Variants in GLIS3 observed in about 807,000 individuals in gnomAD.
GLIS3 encodes GLIS family zinc finger 3.
Under a neutral mutation model 78.6 loss-of-function variants are expected in GLIS3, and 53 were observed. That is an observed-to-expected ratio of 0.67 (90% CI 0.54 to 0.85). The LOEUF is 0.85. Among genes scored for constraint, GLIS3 ranks in the 40% least tolerant of loss-of-function variants. The probability of loss-of-function intolerance (pLI) is 0.00; values close to 1 mark genes in which losing one functional copy is unlikely to be tolerated. For missense variants in GLIS3, 1,703 were observed against 1,231.1 expected, an observed-to-expected ratio of 1.38 and a Z score of -5.74; for synonymous variants, 684 against 509.9, an observed-to-expected ratio of 1.34 and a Z score of -4.60.
intron 4 of GLIS3, among the ~76,000 whole-genome samples, chr9:4,077,813 A>G (rs541511675): frequency 6.6e-6 from 1 of 152,112 alleles, no homozygotes; most frequent in Non-Finnish European, 1.5e-5. Flanking sequence ...CATTTTGCCA[A>G]CACTCCCAGA....
At chr9:3,905,251 A>G (rs1823611256) in intron 6 of GLIS3, among the ~76,000 whole-genome samples, 2 of 147,354 alleles carry the variant, frequency 1.4e-5, no homozygotes, top group South Asian at 4.3e-4. Context: ...CGGCCTCCCA[A>G]AGTGCTGGGA....
chr9:4,321,121 C>CT (rs201875771), intron 2 of GLIS3, among the ~76,000 whole-genome samples: 2,281 of 151,182 alleles, frequency 0.015, 55 homozygotes, highest in African/African-American at 0.051. Context: ...ATGGTCTCCG[C>CT]TTTTTTTAAA....
At chr9:4,182,417 G>T (rs1189871824) in intron 2 of GLIS3, among the ~76,000 whole-genome samples, 1 of 152,150 alleles carries the variant, frequency 6.6e-6, no homozygotes, top group Non-Finnish European at 1.5e-5. Flanking sequence ...ACCAGGTAGG[G>T]TAATAAATTA....
the GLIS3 span, among the ~76,000 whole-genome samples, chr9:4,397,507 C>G: frequency 6.6e-5 from 10 of 151,836 alleles, no homozygotes; most frequent in East Asian, 1.9e-3. Context: ...TGACTCCCCA[C>G]CACCCAGAAA....
the GLIS3 span, among the ~76,000 whole-genome samples, chr9:4,459,022 C>T: frequency 6.6e-6 from 1 of 152,070 alleles, no homozygotes; most frequent in Non-Finnish European, 1.5e-5. Context: ...TGGGCTTTTA[C>T]TCTGGGATGG....
intron 4 of GLIS3, among the ~76,000 whole-genome samples, chr9:4,104,027 G>A (rs941616998): frequency 5.9e-5 from 9 of 152,050 alleles, no homozygotes; most frequent in African/African-American, 1.7e-4. Context: ...GTCCCTCAAC[G>A]ATGGAATACA....
chr9:3,878,886 A>ATCTC, intron 8 of GLIS3: 1 of 159,794 alleles, frequency 6.3e-6, no homozygotes, highest in Admixed American at 5.8e-5. Context: ...TGGGAAACAG[A>ATCTC]AGTATGAAGG....
chr9:3,913,830 G>T (rs955857474), intron 6 of GLIS3, among the ~76,000 whole-genome samples: 14 of 152,196 alleles, frequency 9.2e-5, no homozygotes, highest in African/African-American at 2.9e-4. Context: ...AACAACCCTT[G>T]AGTGTTTGAT....
At chr9:4,134,225 C>G (rs969464252) in intron 2 of GLIS3, among the ~76,000 whole-genome samples, 18 of 152,152 alleles carry the variant, frequency 1.2e-4, no homozygotes, top group African/African-American at 4.3e-4. Context: ...CAATTTAGAT[C>G]ACTTGCAATT....
the GLIS3 span, among the ~76,000 whole-genome samples, chr9:4,465,867 T>C: frequency 1.3e-5 from 2 of 152,190 alleles, no homozygotes; most frequent in Admixed American, 6.5e-5. Flanking sequence ...GAAAACATAA[T>C]TTAAAAATCT....
intron 4 of GLIS3, among the ~76,000 whole-genome samples, chr9:3,999,547 C>T (rs1820982301): frequency 6.6e-6 from 1 of 151,662 alleles, no homozygotes; most frequent in African/African-American, 2.4e-5. Context: ...GAAATACTAA[C>T]AAAAATTGTA....
chr9:4,067,234 T>C (rs990248420), intron 4 of GLIS3, among the ~76,000 whole-genome samples: 1 of 151,686 alleles, frequency 6.6e-6, no homozygotes, highest in Non-Finnish European at 1.5e-5. Flanking sequence ...CTTTAAAGTA[T>C]AATAGAAAGT....
intron 4 of GLIS3, among the ~76,000 whole-genome samples, chr9:4,050,268 C>T (rs939952638): frequency 5.9e-5 from 9 of 152,132 alleles, no homozygotes; most frequent in East Asian, 1.9e-4. Flanking sequence ...TATGCAGCCA[C>T]AGAAAAGGGT....
At chr9:4,393,342 A>T in the GLIS3 span, among the ~76,000 whole-genome samples, 1 of 152,190 alleles carries the variant, frequency 6.6e-6, no homozygotes, top group Non-Finnish European at 1.5e-5. Flanking sequence ...CTTACTAAAT[A>T]TTCAGCGTAT....
intron 4 of GLIS3, among the ~76,000 whole-genome samples, chr9:3,941,017 C>T (rs933734212): frequency 7.9e-5 from 12 of 152,232 alleles, no homozygotes; most frequent in African/African-American, 2.9e-4. Flanking sequence ...CATTCTCTGA[C>T]CCCAGAATCA....
At position 3,932,782 on chromosome 9, in the gene GLIS3, T is replaced by C. The variant is rs1189253452; in HGVS notation, c.1873-312A>G. ...TGTGGAAATTATTAGTAAGCATCTCTAGTCATACTTACAGTTATGTTTCCC... is the reference window on the plus strand; with the variant it reads ...TGTGGAAATTATTAGTAAGCATCTCCAGTCATACTTACAGTTATGTTTCCC... On this transcript the variant is annotated intron_variant, in intron 5 of 10. Coordinates refer to ENST00000381971, the MANE Select transcript of GLIS3 (RefSeq NM_001042413.2). 3 of 437,196 alleles carry C rather than the reference T, an allele frequency of 6.9e-6. No homozygotes were observed. In the East Asian group the frequency reaches 2.0e-4, roughly 29 times the overall value. The allele number at this position is 437,196 out of a possible 1,614,324, so 27.1% of individuals were successfully genotyped here.
intron 2 of GLIS3, among the ~76,000 whole-genome samples, chr9:4,220,432 A>ATC (rs1331896702): frequency 2.0e-5 from 3 of 152,246 alleles, no homozygotes; most frequent in African/African-American, 7.2e-5. Context: ...GGCACACAGT[A>ATC]TCTTAGCCAA....
chr9:3,907,155 C>G (rs1417162102), intron 6 of GLIS3, among the ~76,000 whole-genome samples: 1 of 152,222 alleles, frequency 6.6e-6, no homozygotes, highest in Admixed American at 6.5e-5. Flanking sequence ...TGTGATTGGA[C>G]ATGTGCACTG....
Position 3,883,709 on chromosome 9 carries a change from G to T in GLIS3, c.2129-4114C>A, listed in dbSNP as rs538379778. On this transcript the variant is annotated intron_variant, in intron 7 of 10. Transcript: ENST00000381971. ...AGCCTTCATTGTCTGTGTCAACTCC[G>T]GGGTCATTACTGCTTTCAAGGCTGC... 2.5e-3 allele frequency among the ~76,000 whole-genome samples: 379 copies of T among 152,268 alleles called. 1 individual carries two copies. The highest frequency in any genetic ancestry group is 8.8e-3 in the African/African-American group (365 of 41,538).
Sources: allele counts gnomAD v4.1 joint callset (sites outside exome capture counted in the v4.1 genomes callset), GRCh38; gene constraint gnomAD v4.1.1; transcripts MANE v1.5; gene names NCBI Gene and HGNC (gene_info 2026-07-23, HGNC 2026-07-21).